Variants in SDCBP observed in about 807,000 individuals in gnomAD.
SDCBP encodes the protein syntenin-1.
SDCBP carries 22 observed loss-of-function variants against 30.5 expected under a neutral mutation model. The observed-to-expected ratio is 0.72, with a 90% CI of 0.52 to 1.03. The LOEUF (loss-of-function observed/expected upper bound fraction) is 1.03, where lower values mean the gene tolerates loss of function less well. SDCBP is among the 50% of genes least tolerant of loss of function. The probability of loss-of-function intolerance (pLI) is 0.00; values close to 1 mark genes in which losing one functional copy is unlikely to be tolerated. For missense variants in SDCBP, 304 were observed against 369.9 expected, an observed-to-expected ratio of 0.82 and a Z score of 1.46; for synonymous variants, 103 against 118.7, an observed-to-expected ratio of 0.87 and a Z score of 0.86.
intron 7 of SDCBP, 51 bp from the exon 8 acceptor site, chr8:58,580,462 GTATT>G (rs1259448823): frequency 5.7e-6 from 5 of 874,660 alleles, no homozygotes; most frequent in African/African-American, 3.4e-5. Flanking sequence ...GCATAGTTTT[GTATT>G]TATTAAATAA....
chr8:58,567,401 C>A (rs1318250914), intron 2 of SDCBP, among the ~76,000 whole-genome samples: 3 of 152,138 alleles, frequency 2.0e-5, no homozygotes, highest in Non-Finnish European at 4.4e-5. Flanking sequence ...ATTTTAGATT[C>A]ACAACAAAAT....
chr8:58,571,694 T>C (rs1367149063), intron 3 of SDCBP, among the ~76,000 whole-genome samples: 1 of 152,176 alleles, frequency 6.6e-6, no homozygotes, highest in Non-Finnish European at 1.5e-5. Context: ...CAGGATTTCA[T>C]TGGAATGTGG....
intron 2 of SDCBP, among the ~76,000 whole-genome samples, chr8:58,567,733 T>G (rs1288381352): frequency 1.3e-5 from 2 of 152,192 alleles, no homozygotes; most frequent in Non-Finnish European, 2.9e-5. Flanking sequence ...CTAGGCAGTA[T>G]GGTATAGTCT....
chr8:58,578,683 CT>C (rs1439997481), intron 6 of SDCBP, among the ~76,000 whole-genome samples: 1 of 152,194 alleles, frequency 6.6e-6, no homozygotes, highest in Non-Finnish European at 1.5e-5. Flanking sequence ...TCATTTAGAA[CT>C]TAAACATTTA....
chr8:58,559,820 T>TA (rs1804341282), intron 1 of SDCBP, among the ~76,000 whole-genome samples: 1 of 152,202 alleles, frequency 6.6e-6, no homozygotes, highest in African/African-American at 2.4e-5. Flanking sequence ...AGGTGAGCAG[T>TA]AAACCAGCTG....
At chr8:58,553,842 G>T (rs1803956063) in intron 1 of SDCBP, among the ~76,000 whole-genome samples, 2 of 152,340 alleles carry the variant, frequency 1.3e-5, no homozygotes, top group South Asian at 4.1e-4. Context: ...GCGAAGCCTT[G>T]ACTTTTTTGG....
intron 4 of SDCBP, among the ~76,000 whole-genome samples, chr8:58,574,283 G>A (rs1189495764): frequency 6.6e-6 from 1 of 152,114 alleles, no homozygotes; most frequent in Non-Finnish European, 1.5e-5. Flanking sequence ...AAAGTGTAAA[G>A]TTAACCACTA....
At chr8:58,577,671 A>C (rs898703728) in intron 5 of SDCBP, among the ~76,000 whole-genome samples, 1 of 152,190 alleles carries the variant, frequency 6.6e-6, no homozygotes, top group Non-Finnish European at 1.5e-5. Flanking sequence ...ATAATTTGGT[A>C]TTCTATCAGA....
intron 2 of SDCBP, among the ~76,000 whole-genome samples, chr8:58,567,905 A>T (rs1804788228): frequency 6.6e-6 from 1 of 152,302 alleles, no homozygotes; most frequent in Admixed American, 6.5e-5. Flanking sequence ...TTAAAATGGT[A>T]CATCTGTATA....
chr8:58,569,168 G>A (rs747127980), intron 2 of SDCBP, among the ~76,000 whole-genome samples: 9 of 150,902 alleles, frequency 6.0e-5, no homozygotes, highest in East Asian at 5.9e-4. Context: ...TCAGCCTCCC[G>A]GGTAGCTGGA....
intron 4 of SDCBP, among the ~76,000 whole-genome samples, chr8:58,574,956 C>T (rs1585704375): frequency 6.6e-6 from 1 of 152,148 alleles, no homozygotes; most frequent in Non-Finnish European, 1.5e-5. Flanking sequence ...TACATTAGAT[C>T]TCCAGAACGT....
Position 58,581,979 on chromosome 8 carries a change from TC to T in SDCBP, c.*241del. 1 of 495,894 alleles carries T rather than the reference TC, an allele frequency of 2.0e-6. No individual in the cohort carries two copies. The highest frequency in any genetic ancestry group is 3.6e-5 in the East Asian group (1 of 28,048). The allele number at this position is 495,894 out of a possible 1,614,324, so 30.7% of individuals were successfully genotyped here. ...AAACTTTCAAGAGATTTACTGACTT[TC>T]CTAGAATAGTTTCTCTACTGGAAAC... On this transcript the variant is annotated 3_prime_UTR_variant, in exon 9 of 9. Coordinates refer to ENST00000260130, the MANE Select transcript of SDCBP (RefSeq NM_005625.4).
At chr8:58,576,520 A>AT (rs919143015) in intron 5 of SDCBP, among the ~76,000 whole-genome samples, 12 of 151,098 alleles carry the variant, frequency 7.9e-5, no homozygotes, top group Non-Finnish European at 1.8e-4. Flanking sequence ...ATGTGTGTGC[A>AT]TTTTTAAACC....
At chr8:58,571,387 C>T (rs115212162) in intron 3 of SDCBP, among the ~76,000 whole-genome samples, 2,583 of 152,202 alleles carry the variant, frequency 0.017, 33 homozygotes, top group African/African-American at 0.036. Context: ...TTTGGGAAGC[C>T]TCCTAAATCT....
At chr8:58,560,029 G>T (rs1804352155) in intron 1 of SDCBP, among the ~76,000 whole-genome samples, 1 of 152,176 alleles carries the variant, frequency 6.6e-6, no homozygotes. Context: ...TTGAATATAA[G>T]TTCTGACAGG....
chr8:58,571,102 A>C (rs1804993114), intron 3 of SDCBP, 137 bp downstream of exon 3: 1 of 567,958 alleles, frequency 1.8e-6, no homozygotes, highest in Admixed American at 3.2e-5. Flanking sequence ...ATGAATAAGA[A>C]AAAAAAGTTT....
chr8:58,563,087 A>G (rs1209290335), intron 1 of SDCBP, among the ~76,000 whole-genome samples: 1 of 152,224 alleles, frequency 6.6e-6, no homozygotes, highest in Admixed American at 6.5e-5. Flanking sequence ...CATTTATTAA[A>G]AAAGTATATA....
intron 1 of SDCBP, among the ~76,000 whole-genome samples, chr8:58,563,865 C>G (rs998057027): frequency 6.6e-6 from 1 of 152,184 alleles, no homozygotes; most frequent in African/African-American, 2.4e-5. Context: ...GGAACTTATT[C>G]TCCCTCTGGC....
At chr8:58,579,471 C>A in intron 6 of SDCBP, 152 bp from the exon 7 acceptor site, 1 of 492,166 alleles carries the variant, frequency 2.0e-6, no homozygotes, top group Non-Finnish European at 3.3e-6. Context: ...AAAGATGTTC[C>A]GTGAATGTAT....
Sources: allele counts gnomAD v4.1 joint callset (sites outside exome capture counted in the v4.1 genomes callset), GRCh38; gene constraint gnomAD v4.1.1; transcripts MANE v1.5; gene names NCBI Gene and HGNC (gene_info 2026-07-23, HGNC 2026-07-21).